Variants in CDH12 observed in about 807,000 individuals in gnomAD.
The protein encoded by CDH12 is cadherin 12, also known as cadherin-12.
A neutral mutation model predicts 74.1 loss-of-function variants in CDH12; 41 were observed. The observed-to-expected ratio is 0.55, with a 90% CI of 0.43 to 0.72. The LOEUF (loss-of-function observed/expected upper bound fraction) is 0.72, where lower values mean the gene tolerates loss of function less well. Ranked by LOEUF, CDH12 falls within the 30% of genes least tolerant of loss-of-function variation. The pLI, the probability that CDH12 is intolerant of heterozygous loss-of-function variation, is 0.00. For synonymous variants in CDH12, 399 were observed against 355.0 expected (o/e 1.12, Z -1.39); for missense variants, 945 against 977.2 (o/e 0.97, Z 0.44).
chr5:22,639,154 G>A (rs1318843030), intron 1 of CDH12, among the ~76,000 whole-genome samples: 1 of 149,190 alleles, frequency 6.7e-6, no homozygotes, highest in East Asian at 2.0e-4. Flanking sequence ...TAGCTATGAA[G>A]AGGATTAGTG....
intron 3 of CDH12, among the ~76,000 whole-genome samples, chr5:22,332,909 G>T (rs1050975716): frequency 6.6e-6 from 1 of 152,140 alleles, no homozygotes; most frequent in African/African-American, 2.4e-5. Context: ...ACAGTTTGGT[G>T]ATTCCTCAAG....
intron 4 of CDH12, among the ~76,000 whole-genome samples, chr5:22,091,330 T>C (rs949744319): frequency 6.7e-6 from 1 of 149,080 alleles, no homozygotes; most frequent in African/African-American, 2.5e-5. Flanking sequence ...AGGGAGAGTG[T>C]TAGAGGCCTG....
At chr5:21,757,791 C>G (rs1308568290) in intron 13 of CDH12, among the ~76,000 whole-genome samples, 1 of 152,108 alleles carries the variant, frequency 6.6e-6, no homozygotes, top group East Asian at 1.9e-4. Flanking sequence ...GACTATCTAC[C>G]TAGTTGCTGA....
At chr5:22,542,149 C>A (rs75479393) in intron 1 of CDH12, among the ~76,000 whole-genome samples, 1,780 of 152,202 alleles carry the variant, frequency 0.012, 11 homozygotes, top group Middle Eastern at 0.058. Context: ...TTGACAACTG[C>A]AATGTAATTT....
chr5:22,760,020 T>G (rs900624739), intron 1 of CDH12, among the ~76,000 whole-genome samples: 5 of 152,314 alleles, frequency 3.3e-5, no homozygotes, highest in Admixed American at 1.3e-4. Context: ...GTATTCAATG[T>G]TAATCTCATC....
At chr5:21,898,266 G>T (rs939302818) in intron 6 of CDH12, among the ~76,000 whole-genome samples, 10 of 152,080 alleles carry the variant, frequency 6.6e-5, no homozygotes, top group African/African-American at 2.4e-4. Context: ...TGTGAGACCA[G>T]GATGGAGTGT....
chr5:21,942,360 AC>A (rs1217752622), intron 6 of CDH12, among the ~76,000 whole-genome samples: 1 of 144,948 alleles, frequency 6.9e-6, no homozygotes, highest in Non-Finnish European at 1.5e-5. Flanking sequence ...ACACACACAC[AC>A]ACACACACAC....
At chr5:22,120,440 A>G (rs1302261543) in intron 4 of CDH12, among the ~76,000 whole-genome samples, 3 of 152,208 alleles carry the variant, frequency 2.0e-5, no homozygotes, top group African/African-American at 7.2e-5. Context: ...TTAAAAAAGC[A>G]ATTGGTTATT....
At chr5:22,055,522 A>G (rs1740674785) in intron 5 of CDH12, among the ~76,000 whole-genome samples, 1 of 152,056 alleles carries the variant, frequency 6.6e-6, no homozygotes, top group Non-Finnish European at 1.5e-5. Flanking sequence ...TGTTCTTCTG[A>G]ACTCTCCCCT....
intron 6 of CDH12, among the ~76,000 whole-genome samples, chr5:21,968,949 T>C (rs1756709653): frequency 6.6e-6 from 1 of 150,658 alleles, no homozygotes; most frequent in Admixed American, 6.6e-5. Flanking sequence ...GGACACAGGG[T>C]GGAGAACAAT....
chr5:21,897,508 G>A (rs1753178557), intron 6 of CDH12, among the ~76,000 whole-genome samples: 1 of 151,938 alleles, frequency 6.6e-6, no homozygotes, highest in Admixed American at 6.5e-5. Context: ...TCATTAGCCT[G>A]TCCCATATTC....
At chr5:22,027,421 T>G (rs1347282916) in intron 5 of CDH12, among the ~76,000 whole-genome samples, 1 of 152,188 alleles carries the variant, frequency 6.6e-6, no homozygotes, top group African/African-American at 2.4e-5. Flanking sequence ...CTGGTAGAAT[T>G]CGGCTGTAAA....
rs759375753 is a variant in CDH12 at position 22,012,412 on chromosome 5, CAGTTG to C, written c.232-37032_232-37028del. ...TGATAAGTTAATATAATTTTAATTC[CAGTTG>C]AGTTAAGAAAATGAAAAAGTGCATC... On this transcript the variant is annotated intron_variant, in intron 5 of 14. Coordinates refer to ENST00000382254, the MANE Select transcript of CDH12 (RefSeq NM_004061.5). 6.6e-5 allele frequency among the ~76,000 whole-genome samples: 10 copies of C among 151,980 alleles called. No homozygotes were observed. The South Asian group carries it at 8.3e-4, about 13-fold the overall frequency.
At chr5:22,753,683 G>GA (rs1180451736) in intron 1 of CDH12, among the ~76,000 whole-genome samples, 1 of 151,240 alleles carries the variant, frequency 6.6e-6, no homozygotes, top group Admixed American at 6.6e-5. Flanking sequence ...AAGACAGAAT[G>GA]AAAAGAAGAA....
chr5:22,477,897 C>A (rs1347983205), intron 2 of CDH12, among the ~76,000 whole-genome samples: 2 of 152,132 alleles, frequency 1.3e-5, no homozygotes, highest in African/African-American at 2.4e-5. Context: ...GGTGAAGAAA[C>A]TTAGTTCTCT....
chr5:22,743,284 A>G (rs1384432563), intron 1 of CDH12, among the ~76,000 whole-genome samples: 2 of 143,120 alleles, frequency 1.4e-5, no homozygotes, highest in Admixed American at 1.4e-4. Context: ...ATATATATGT[A>G]TATATATGTA....
chr5:22,273,433 G>A (rs746181405), intron 3 of CDH12, among the ~76,000 whole-genome samples: 5 of 152,064 alleles, frequency 3.3e-5, no homozygotes, highest in Non-Finnish European at 5.9e-5. Flanking sequence ...ATAAAATGAA[G>A]TATCCCTGTA....
chr5:22,837,885 T>G (rs1736903816), intron 1 of CDH12, among the ~76,000 whole-genome samples: 1 of 152,198 alleles, frequency 6.6e-6, no homozygotes, highest in Non-Finnish European at 1.5e-5. Flanking sequence ...GAAGCCAGTG[T>G]GTAAAGGAAT....
intron 1 of CDH12, among the ~76,000 whole-genome samples, chr5:22,664,936 G>C (rs1740535604): frequency 6.6e-6 from 1 of 152,142 alleles, no homozygotes; most frequent in African/African-American, 2.4e-5. Flanking sequence ...TCAAATAATA[G>C]TTTTAGGTTT....
Sources: gnomAD v4.1 joint callset for allele counts (sites outside exome capture counted in the v4.1 genomes callset) on GRCh38, gnomAD v4.1.1 for gene constraint, MANE v1.5 for transcripts, NCBI Gene and HGNC (gene_info 2026-07-23, HGNC 2026-07-21) for gene names.